DNAH12: variants seen among roughly 807,000 people sequenced by gnomAD.
The protein encoded by DNAH12 is dynein axonemal heavy chain 12.
A neutral mutation model predicts 371.5 loss-of-function variants in DNAH12; 285 were observed. The observed-to-expected ratio is 0.77, with a 90% CI of 0.70 to 0.85. The LOEUF (loss-of-function observed/expected upper bound fraction) is 0.85. Among genes scored for constraint, DNAH12 ranks in the 40% least tolerant of loss-of-function variants. The probability of loss-of-function intolerance (pLI) is 0.00; values close to 1 mark genes in which losing one functional copy is unlikely to be tolerated. For synonymous variants in DNAH12, 1,200 were observed against 1,213.0 expected, an observed-to-expected ratio of 0.99 and a Z score of 0.22; for missense variants, 3,611 against 3,689.4, an observed-to-expected ratio of 0.98 and a Z score of 0.55.
chr3:57,419,625 T>C (rs982264322), intron 36 of DNAH12, 107 bp from the exon 37 acceptor site: 2 of 722,212 alleles, frequency 2.8e-6, no homozygotes, highest in African/African-American at 3.7e-5. Context: ...AACTTAAGTC[T>C]TCCCCCTTTT....
rs2064495651 is a variant in DNAH12 at position 57,419,460 on chromosome 3, C to A, written c.5621G>T (p.Gly1874Val). Reference sequence around the variant, plus strand: ...ATCTTGAATCTTGATTTGTTTATCTCCTAAATTAGTATTTTTAATTAATTC... The same window carrying A: ...ATCTTGAATCTTGATTTGTTTATCTACTAAATTAGTATTTTTAATTAATTC... ...WNELIKNTNL[G>V]DKQIKIQDII... The change falls in exon 37 of 74, where the codon GGA becomes GTA. Residue 1874 changes from glycine (G) to valine (V), a missense_variant. Coordinates refer to ENST00000495027, the MANE Select transcript of DNAH12 (RefSeq NM_001366028.2). 1.3e-6 allele frequency: 2 copies of A among 1,495,930 alleles called. No individual in the cohort carries two copies. The highest frequency in any genetic ancestry group is 1.8e-6 in the Non-Finnish European group (2 of 1,124,904). The allele number at this position is 1,495,930 out of a possible 1,614,324, so 92.7% of individuals were successfully genotyped here.
intron 11 of DNAH12, among the ~76,000 whole-genome samples, chr3:57,499,630 C>CAAAAAAAAAAAAAAAAAAAAAA (rs1220632097): frequency 1.3e-4 from 2 of 14,890 alleles, no homozygotes; most frequent in Non-Finnish European, 2.2e-4. Flanking sequence ...ACCATCTCTA[C>CAAAAAAAAAAAAAAAAAAAAAA]AAAAAAAAAA....
At chr3:57,434,392 G>T (rs1055975297) in intron 30 of DNAH12, among the ~76,000 whole-genome samples, 1 of 152,148 alleles carries the variant, frequency 6.6e-6, no homozygotes, top group Non-Finnish European at 1.5e-5. Context: ...ACGTTGAGGT[G>T]GTGCTTACTC....
chr3:57,298,538 G>C (rs1018657271), intron 70 of DNAH12, among the ~76,000 whole-genome samples: 4 of 152,168 alleles, frequency 2.6e-5, no homozygotes, highest in Admixed American at 6.5e-5. Context: ...GTTACATGAG[G>C]GAACAAACTT....
chr3:57,491,726 A>T (rs1451134905), intron 11 of DNAH12, among the ~76,000 whole-genome samples: 1 of 152,100 alleles, frequency 6.6e-6, no homozygotes, highest in Non-Finnish European at 1.5e-5. Flanking sequence ...GCTTGAAGCC[A>T]GGAGTTCAAG....
intron 39 of DNAH12, among the ~76,000 whole-genome samples, chr3:57,410,488 A>G (rs1348756761): frequency 6.6e-6 from 1 of 151,910 alleles, no homozygotes; most frequent in Non-Finnish European, 1.5e-5. Context: ...AGACCTTCCT[A>G]TTCCTTGAGA....
intron 30 of DNAH12, among the ~76,000 whole-genome samples, chr3:57,436,663 T>C (rs1172919618): frequency 1.3e-5 from 2 of 152,238 alleles, no homozygotes; most frequent in African/African-American, 2.4e-5. Flanking sequence ...GTTCATTTAT[T>C]GATTAGAACT....
chr3:57,523,545 A>T, intron 4 of DNAH12, 38 bp downstream of exon 4: 1 of 1,546,240 alleles, frequency 6.5e-7, no homozygotes, highest in Non-Finnish European at 8.8e-7. Context: ...AATTTCTTTG[A>T]ACATTTTCAA....
At chr3:57,380,487 G>C (rs1298401708) in intron 50 of DNAH12, 120 bp from the exon 51 acceptor site, 1 of 152,086 alleles carries the variant, frequency 6.6e-6, no homozygotes, top group Non-Finnish European at 1.5e-5. Context: ...CTTTTTGTTT[G>C]TTTTGAGATG....
chr3:57,389,798 A>ATGTGTGTG lies in DNAH12; in HGVS notation c.7305+2066_7305+2073dup, dbSNP rs1211815764. Reference sequence around the variant, plus strand: ...TATACATATAAATATATATACACATATGTGTGTGTGTGTGTGTGTGTGTGT... The same window carrying ATGTGTGTG: ...TATACATATAAATATATATACACATATGTGTGTGTGTGTGTGTGTGTGTGTGTGTGTGT... On this transcript the variant is annotated intron_variant, in intron 45 of 73. Coordinates refer to ENST00000495027, the MANE Select transcript of DNAH12 (RefSeq NM_001366028.2). 6.6e-4 allele frequency among the ~76,000 whole-genome samples: 61 copies of ATGTGTGTG among 92,584 alleles called. 2 individuals are homozygous for ATGTGTGTG. The highest frequency in any genetic ancestry group is 1.5e-3 in the African/African-American group (46 of 30,004). The allele number at this position is 92,584 out of a possible 152,430, so 60.7% of individuals were successfully genotyped here.
At chr3:57,306,032 G>A (rs1044992816) in intron 69 of DNAH12, among the ~76,000 whole-genome samples, 4 of 152,262 alleles carry the variant, frequency 2.6e-5, no homozygotes, top group East Asian at 1.9e-4. Context: ...CCATCTGTGC[G>A]GGACCCCACT....
chr3:57,380,863 C>G (rs1699291155), intron 50 of DNAH12, among the ~76,000 whole-genome samples: 1 of 144,596 alleles, frequency 6.9e-6, no homozygotes. Flanking sequence ...TATGGAAATG[C>G]ATTTATAGAC....
At chr3:57,524,640 G>A (rs1416536396) in intron 2 of DNAH12, among the ~76,000 whole-genome samples, 1 of 152,016 alleles carries the variant, frequency 6.6e-6, no homozygotes, top group East Asian at 1.9e-4. Context: ...GGTTCAGAGA[G>A]GGGACAAGTT....
chr3:57,408,180 G>T, intron 40 of DNAH12, 100 bp downstream of exon 40: 3 of 1,294,898 alleles, frequency 2.3e-6, no homozygotes, highest in Non-Finnish European at 2.0e-6. Context: ...CAGTTTCTCT[G>T]ACACCAAAGA....
intron 61 of DNAH12, 35 bp from the exon 62 acceptor site, chr3:57,334,644 T>A (rs1416299321): frequency 2.4e-5 from 37 of 1,521,984 alleles, no homozygotes; most frequent in Non-Finnish European, 3.2e-5. Context: ...ATTCTTTTTA[T>A]TGGGAAAAAC....
intron 55 of DNAH12, among the ~76,000 whole-genome samples, chr3:57,369,351 TAA>T (rs2063123160): frequency 1.2e-4 from 17 of 146,708 alleles, no homozygotes; most frequent in South Asian, 6.3e-4. Flanking sequence ...TTTAAATAAA[TAA>T]ATAAATAAAT....
chr3:57,327,842 G>A (rs1320758466), intron 62 of DNAH12, among the ~76,000 whole-genome samples: 1 of 152,150 alleles, frequency 6.6e-6, no homozygotes, highest in South Asian at 2.1e-4. Flanking sequence ...AAAGAGAGAA[G>A]AATCAAATAG....
chr3:57,358,441 G>A (rs994457405), intron 58 of DNAH12, among the ~76,000 whole-genome samples: 3 of 146,994 alleles, frequency 2.0e-5, no homozygotes, highest in African/African-American at 7.4e-5. Flanking sequence ...AAGGCCTTCC[G>A]TTCATCCTTG....
intron 43 of DNAH12, among the ~76,000 whole-genome samples, chr3:57,396,548 C>T (rs1300053332): frequency 6.6e-6 from 1 of 151,844 alleles, no homozygotes; most frequent in Non-Finnish European, 1.5e-5. Flanking sequence ...CAGGTGCTTT[C>T]CACTACAAGT....
Sources: gnomAD v4.1 joint callset for allele counts (sites outside exome capture counted in the v4.1 genomes callset) on GRCh38, gnomAD v4.1.1 for gene constraint, MANE v1.5 for transcripts, NCBI Gene and HGNC (gene_info 2026-07-23, HGNC 2026-07-21) for gene names.